ZNF318: variants seen among roughly 807,000 people sequenced by gnomAD.
The protein encoded by ZNF318 is endocrine regulator.
In ZNF318, 51 loss-of-function variants were observed where a neutral mutation model predicts 124.2. That is an observed-to-expected ratio of 0.41 (90% CI 0.33 to 0.52). The LOEUF (loss-of-function observed/expected upper bound fraction) is 0.52, where lower values mean the gene tolerates loss of function less well. ZNF318 is among the 20% of genes least tolerant of loss of function. The pLI, the probability that ZNF318 is intolerant of heterozygous loss-of-function variation, is 0.23. For synonymous variants in ZNF318, 1,090 were observed against 1,040.7 expected, an observed-to-expected ratio of 1.05 and a Z score of -0.91; for missense variants, 2,815 against 2,811.2, an observed-to-expected ratio of 1.00 and a Z score of -0.03.
chr6:43,364,331 GAAA>G (rs34131739), intron 2 of ZNF318: 2,895 of 148,084 alleles, frequency 0.02, 1 homozygote, highest in East Asian at 0.035. Flanking sequence ...AATTAAGCCT[GAAA>G]AAAAAAAAAA....
rs1779801123 is a variant in ZNF318 at position 43,369,122 on chromosome 6, G to A, written c.244C>T (p.Pro82Ser). Residue 82 changes from proline (P) to serine (S), a missense_variant, in exon 1 of 10, where the codon CCG becomes TCG. Transcript: ENST00000361428. The part of the protein sequence containing the change: ...PPRGRRVSPS[P>S]PRARRGSPSP... ...GGGGAGCCGCGACGGGCCCGAGGCG[G>A]GGACGGGGAGACGCGACGACCCCGT... The A allele has an allele frequency of 1.6e-6, 2 of 1,236,460 alleles. No individual in the cohort carries two copies. The highest frequency in any genetic ancestry group is 1.6e-5 in the African/African-American group (1 of 64,136). 76.6% of individuals were successfully genotyped at this position (1,236,460 alleles called of 1,614,324 possible).
At position 43,340,907 on chromosome 6, in the gene ZNF318, G is replaced by A; in HGVS notation, c.3378C>T (p.Gly1126=). 1 of 1,610,806 alleles carries A rather than the reference G, an allele frequency of 6.2e-7. No homozygotes were observed. The highest frequency in any genetic ancestry group is 8.5e-7 in the Non-Finnish European group (1 of 1,177,020). ...CACTGATGGGAACCAGAAACTCAGAGCCTGGAAGAAGTAGAAAAAAGTCAA... is the reference window on the plus strand; with the variant it reads ...CACTGATGGGAACCAGAAACTCAGAACCTGGAAGAAGTAGAAAAAAGTCAA... ...RTDKITVPAK[G]SEFLVPISGF... The change falls in exon 9 of 10, where the codon GGC becomes GGT. Residue 1126 remains glycine (G), a splice_region_variant and synonymous_variant. Coordinates refer to ENST00000361428, the MANE Select transcript of ZNF318 (RefSeq NM_014345.3).
chr6:43,344,108 G>A (rs1284545870), intron 6 of ZNF318, among the ~76,000 whole-genome samples: 2 of 152,024 alleles, frequency 1.3e-5, no homozygotes, highest in Admixed American at 6.6e-5. Context: ...ATTGGCTCAC[G>A]CAGGGAAAAA....
rs560913187 is a variant in ZNF318, at chr6:43,343,954, G to A, written c.3073-1075C>T. On this transcript the variant is annotated intron_variant, in intron 6 of 9. Transcript: ENST00000361428. ...TTAATATGAATTAATTTATTACCAA[G>A]CTGGAACAAGGCACTCAGGAAATGA... Among the ~76,000 whole-genome samples, 32 of 151,674 alleles carry A rather than the reference G, an allele frequency of 2.1e-4. No homozygotes were observed. In the South Asian group the frequency reaches 4.0e-3, roughly 19 times the overall value.
At chr6:43,352,257 A>ACCACCATCATCTGGGAGAAGAGTACCTG in intron 5 of ZNF318, 120 bp downstream of exon 5, 1 of 356,594 alleles carries the variant, frequency 2.8e-6, no homozygotes, top group Non-Finnish European at 4.2e-6. Context: ...TTGTAAGTTT[A>ACCACCATCATCTGGGAGAAGAGTACCTG]ATTACGTCAA....
In ZNF318 at chr6:43,342,217, TG is replaced by T. The variant is rs112501444; in HGVS notation, c.3277-7del. 9,514 of 1,608,338 alleles carry T rather than the reference TG, an allele frequency of 5.9e-3. 413 individuals carry two copies. The African/African-American group carries it at 0.098, about 17-fold the overall frequency. ...CTGTTGTAGGGATCCAGTGTCTATT[TG>T]TAAGAGGCAGAGGTGCTCACACAAC... On this transcript the variant is annotated splice_polypyrimidine_tract_variant and splice_region_variant and intron_variant, in intron 7 of 9. Transcript: ENST00000361428.
rs780673816 is a variant in ZNF318, at chr6:43,355,761, G to A, written c.1573C>T (p.Arg525Ter). 3.1e-6 allele frequency: 5 copies of A among 1,614,130 alleles called. No homozygotes were observed. Among genetic ancestry groups the A allele is most frequent in the Non-Finnish European group, 4.2e-6 (5 of 1,180,030 alleles). Reference sequence around the variant, plus strand: ...TCTTCAATGTCGGGAAAGCTACGTCGCCTTTTTTCCTGTGTACTGGTAGAA... The same window carrying A: ...TCTTCAATGTCGGGAAAGCTACGTCACCTTTTTTCCTGTGTACTGGTAGAA... ...ADSTSTQEKRRRSFPDIEDEE... is the reference protein window; with the variant it reads ...ADSTSTQEKR The change falls in exon 4 of 10, where the codon CGA becomes TGA. Residue 525 changes from arginine to a stop codon, truncating the protein, a stop_gained. Coordinates refer to ENST00000361428, the MANE Select transcript of ZNF318 (RefSeq NM_014345.3). LOFTEE classifies it high-confidence loss of function.
chr6:43,349,862 T>C (rs1323343275), intron 5 of ZNF318, among the ~76,000 whole-genome samples: 3 of 151,822 alleles, frequency 2.0e-5, no homozygotes, highest in Non-Finnish European at 4.4e-5. Flanking sequence ...GATGGGAGGA[T>C]CATTTGAGTC....
At chr6:43,342,968 A>C in intron 6 of ZNF318, 89 bp from the exon 7 acceptor site, 6 of 1,054,904 alleles carry the variant, frequency 5.7e-6, no homozygotes, top group Non-Finnish European at 8.2e-6. Flanking sequence ...TAATAATAGA[A>C]ATAGGGCCAT....
intron 4 of ZNF318, among the ~76,000 whole-genome samples, chr6:43,354,124 AT>A (rs1779571476): frequency 6.6e-6 from 1 of 152,062 alleles, no homozygotes; most frequent in Non-Finnish European, 1.5e-5. Flanking sequence ...CACACACGTA[AT>A]TTTTTAAATA....
chr6:43,357,917 C>T (rs999001632), intron 2 of ZNF318, 152 bp from the exon 3 acceptor site: 6 of 693,848 alleles, frequency 8.6e-6, no homozygotes, highest in Non-Finnish European at 1.4e-5. Context: ...TCTCCCTTTC[C>T]CCAGGGGAAC....
rs1779800521 is a variant in ZNF318, at chr6:43,369,112, G to A, written c.254C>T (p.Ala85Val). 1 of 1,245,002 alleles carries A rather than the reference G, an allele frequency of 8.0e-7. No homozygotes were observed. Among genetic ancestry groups the A allele is most frequent in the Non-Finnish European group, 1.0e-6 (1 of 995,034 alleles). 77.1% of individuals were successfully genotyped at this position (1,245,002 alleles called of 1,614,324 possible). ...CGGTGGCGACGGGGAGCCGCGACGGGCCCGAGGCGGGGACGGGGAGACGCG... is the reference window on the plus strand; with the variant it reads ...CGGTGGCGACGGGGAGCCGCGACGGACCCGAGGCGGGGACGGGGAGACGCG... Reference protein sequence around the residue: ...GRRVSPSPPRARRGSPSPPRG... With the variant: ...GRRVSPSPPRVRRGSPSPPRG... Residue 85 changes from alanine (A) to valine (V), a missense_variant, in exon 1 of 10, where the codon GCC becomes GTC. By Grantham distance (64) the Ala-to-Val change is moderately conservative. Around this residue, in one of 4 missense-constraint regions of ZNF318, gnomAD observed 1,377 missense variants for 1,353.5 expected, o/e 1.02. Transcript: ENST00000361428.
chr6:43,348,275 A>G (rs754545866), intron 6 of ZNF318, 49 bp downstream of exon 6: 1 of 1,521,694 alleles, frequency 6.6e-7, no homozygotes, highest in Non-Finnish European at 8.9e-7. Flanking sequence ...AAACCATAGG[A>G]GTCTAAGGGA....
intron 2 of ZNF318, among the ~76,000 whole-genome samples, chr6:43,364,859 C>T (rs1362749084): frequency 6.6e-6 from 1 of 152,214 alleles, no homozygotes; most frequent in Non-Finnish European, 1.5e-5. Context: ...ACTTACCTAA[C>T]CCTTTCTGAA....
At chr6:43,342,615 G>T in intron 7 of ZNF318, 61 bp downstream of exon 7, 1 of 1,531,728 alleles carries the variant, frequency 6.5e-7, no homozygotes, top group Non-Finnish European at 9.0e-7. Flanking sequence ...TGCAGATAGG[G>T]GTATAGAAGT....
At chr6:43,347,640 T>C (rs1391564941) in intron 6 of ZNF318, among the ~76,000 whole-genome samples, 1 of 152,154 alleles carries the variant, frequency 6.6e-6, no homozygotes, top group African/African-American at 2.4e-5. Context: ...GCCTATGAGA[T>C]AATGAAGTGG....
chr6:43,356,394 A>T (rs1779609333), intron 3 of ZNF318, among the ~76,000 whole-genome samples: 1 of 152,190 alleles, frequency 6.6e-6, no homozygotes, highest in Non-Finnish European at 1.5e-5. Flanking sequence ...TATTTGTTAA[A>T]AGGAATTTGA....
rs1017751186 is a variant in ZNF318 at position 43,353,601 on chromosome 6, T to G, written c.2670+1063A>C. ...GTGTTAGCCAGGATGGTCTTGATCTTCTGACCTCGTGATCCACCCGCCTCA... is the reference window on the plus strand; with the variant it reads ...GTGTTAGCCAGGATGGTCTTGATCTGCTGACCTCGTGATCCACCCGCCTCA... On this transcript the variant is annotated intron_variant, in intron 4 of 9. Transcript: ENST00000361428. Among the ~76,000 whole-genome samples the G allele has an allele frequency of 4.6e-5, 7 of 152,126 alleles. No homozygotes were observed. The South Asian group carries it at 1.5e-3, about 32-fold the overall frequency.
chr6:43,366,689 C>G (rs1224252274), intron 1 of ZNF318, among the ~76,000 whole-genome samples: 1 of 152,058 alleles, frequency 6.6e-6, no homozygotes, highest in South Asian at 2.1e-4. Context: ...ACCTGTAGTC[C>G]CAGCTACTCA....
Sources: gnomAD v4.1 joint callset for allele counts (sites outside exome capture counted in the v4.1 genomes callset) on GRCh38, gnomAD v4.1.1 for gene constraint, gnomAD v4.1.1 regional missense constraint, MANE v1.5 for transcripts, NCBI Gene and HGNC (gene_info 2026-07-23, HGNC 2026-07-21) for gene names.